Variants in ZZEF1 observed in about 807,000 individuals in gnomAD.
ZZEF1 encodes the protein zinc finger ZZ-type and EF-hand domain-containing protein 1.
A neutral mutation model predicts 342.8 loss-of-function variants in ZZEF1; 157 were observed. The observed-to-expected ratio is 0.46, with a 90% CI of 0.40 to 0.52. The LOEUF (loss-of-function observed/expected upper bound fraction) is 0.52, where lower values mean the gene tolerates loss of function less well. Among genes scored for constraint, ZZEF1 ranks in the 20% least tolerant of loss-of-function variants. The probability of loss-of-function intolerance (pLI) is 0.00; values close to 1 mark genes in which losing one functional copy is unlikely to be tolerated. For synonymous variants in ZZEF1, 1,505 were observed against 1,429.1 expected (o/e 1.05, Z -1.20); for missense variants, 3,480 against 3,725.6 (o/e 0.93, Z 1.72).
At chr17:4,108,239 G>C (rs1335035329) in intron 6 of ZZEF1, among the ~76,000 whole-genome samples, 1 of 152,192 alleles carries the variant, frequency 6.6e-6, no homozygotes, top group African/African-American at 2.4e-5. Flanking sequence ...ACTATCTGAA[G>C]TTGTGTGCAA....
chr17:4,056,299 C>G lies in ZZEF1; in HGVS notation c.5212G>C (p.Glu1738Gln). 6.2e-7 allele frequency: 1 copy of G among 1,602,064 alleles called. No individual in the cohort carries two copies. The highest frequency in any genetic ancestry group is 8.5e-7 in the Non-Finnish European group (1 of 1,174,298). The part of the protein sequence containing the change: ...DELADAKQNS[E>Q]WMDECQDGMF... ...CCATCCTGACACTCATCCATCCATTCTGAATTCTGCTTGGCATCAGCAAGC... is the reference window on the plus strand; with the variant it reads ...CCATCCTGACACTCATCCATCCATTGTGAATTCTGCTTGGCATCAGCAAGC... The change falls in exon 33 of 55, where the codon GAA (glutamate) becomes CAA (glutamine). Residue 1738 changes from glutamate (E) to glutamine (Q), a missense_variant. Glu to Gln is a conservative substitution (Grantham distance 29). Around this residue, in one of 5 missense-constraint regions of ZZEF1, gnomAD observed 175 missense variants for 254.6 expected, o/e 0.69. Coordinates refer to ENST00000381638, the MANE Select transcript of ZZEF1 (RefSeq NM_015113.4).
In ZZEF1 at chr17:4,082,457, A is replaced by G; in HGVS notation, c.2694T>C (p.Arg898=). 6.2e-7 allele frequency: 1 copy of G among 1,614,156 alleles called. No homozygotes were observed. The highest frequency in any genetic ancestry group is 8.5e-7 in the Non-Finnish European group (1 of 1,179,996). ...EHKQSLQLTF[R]SLCTYFSDKD... ...CTTACCTAAAATACGTGCACAGTGA[A>G]CGGAAAGTGAGCTGCAGGGACTGCT... Residue 898 remains arginine (R), a synonymous_variant, in exon 17 of 55, where the codon CGT becomes CGC. Transcript: ENST00000381638.
intron 39 of ZZEF1, among the ~76,000 whole-genome samples, chr17:4,034,700 G>GATATA (rs1197448339): frequency 6.6e-6 from 1 of 152,138 alleles, no homozygotes; most frequent in East Asian, 1.9e-4. Flanking sequence ...ATTTACACAT[G>GATATA]ATATATGTAA....
intron 42 of ZZEF1, 42 bp from the exon 43 acceptor site, chr17:4,025,160 A>T: frequency 1.3e-6 from 2 of 1,582,588 alleles, no homozygotes; most frequent in Non-Finnish European, 8.7e-7. Context: ...GCACAAAAGT[A>T]CAGTTCATGC....
intron 44 of ZZEF1, among the ~76,000 whole-genome samples, chr17:4,021,550 G>A (rs2056271359): frequency 1.3e-5 from 2 of 152,174 alleles, no homozygotes; most frequent in African/African-American, 4.8e-5. Context: ...CCCACAGATG[G>A]TATCAACTGC....
chr17:4,010,591 G>C (rs2055921230), intron 52 of ZZEF1, among the ~76,000 whole-genome samples: 1 of 151,334 alleles, frequency 6.6e-6, no homozygotes, highest in South Asian at 2.1e-4. Context: ...TGAGCGTGGT[G>C]GTGGGCGCCT....
chr17:4,072,400 G>A (rs1266461186), intron 25 of ZZEF1, among the ~76,000 whole-genome samples: 4 of 152,292 alleles, frequency 2.6e-5, no homozygotes, highest in South Asian at 4.1e-4. Context: ...CCCAAGTCAC[G>A]CATTCAGTAT....
intron 6 of ZZEF1, among the ~76,000 whole-genome samples, chr17:4,108,147 A>G (rs1340156271): frequency 6.6e-6 from 1 of 152,242 alleles, no homozygotes; most frequent in African/African-American, 2.4e-5. Flanking sequence ...GAAGTGAAAA[A>G]TATTTATTTT....
Position 4,022,927 on chromosome 17 carries a change from G to A in ZZEF1, c.7093-99C>T, listed in dbSNP as rs774663094. 10 of 1,475,040 alleles carry A rather than the reference G, an allele frequency of 6.8e-6. No individual in the cohort carries two copies. The East Asian group carries it at 9.3e-5, about 14-fold the overall frequency. The allele number at this position is 1,475,040 out of a possible 1,614,324, so 91.4% of individuals were successfully genotyped here. A position where few individuals can be genotyped will look rare whatever the true frequency, so the allele number is the denominator to read the frequency against. ...TGTTCATTCACTCTTTCATTCATTCGTCCATTCAACACATACTTTTGAATG... is the reference window on the plus strand; with the variant it reads ...TGTTCATTCACTCTTTCATTCATTCATCCATTCAACACATACTTTTGAATG... On this transcript the variant is annotated intron_variant, in intron 43 of 54. Transcript: ENST00000381638.
chr17:4,062,697 G>T (rs1356210464), intron 30 of ZZEF1, 56 bp downstream of exon 30: 13 of 1,489,632 alleles, frequency 8.7e-6, no homozygotes, highest in Non-Finnish European at 1.2e-5. Flanking sequence ...AGATAATCAG[G>T]ATTTATTTAC....
chr17:4,008,558 G>C lies in ZZEF1; in HGVS notation c.8805+325C>G. ...GAAGAGGAGTTCCGCTACCAGAGAA[G>C]CAACTCACATCTAAAAATATGTGAA... On this transcript the variant is annotated intron_variant, in intron 54 of 54. Coordinates refer to ENST00000381638, the MANE Select transcript of ZZEF1 (RefSeq NM_015113.4). The surrounding 1 kb of genome is among the most constrained non-coding windows in gnomAD (Gnocchi z 4.2). 9.2e-7 allele frequency: 1 copy of C among 1,083,076 alleles called. No individual in the cohort carries two copies. The highest frequency in any genetic ancestry group is 1.1e-6 in the Non-Finnish European group (1 of 891,700). 67.1% of individuals were successfully genotyped at this position (1,083,076 alleles called of 1,614,324 possible).
chr17:4,128,345 TAAAAAAAAAAA>T (rs74340131), intron 1 of ZZEF1, among the ~76,000 whole-genome samples: 1 of 81,564 alleles, frequency 1.2e-5, no homozygotes, highest in Non-Finnish European at 2.2e-5. Context: ...CAGACTGTCT[TAAAAAAAAAAA>T]AAAAAAAAAA....
At chr17:4,139,652 T>TA (rs2058810457) in intron 1 of ZZEF1, among the ~76,000 whole-genome samples, 1 of 152,252 alleles carries the variant, frequency 6.6e-6, no homozygotes, top group South Asian at 2.1e-4. Context: ...TGGCTAGTCC[T>TA]AACTTACTAG....
chr17:4,009,725 A>T lies in ZZEF1; in HGVS notation c.8612T>A (p.Leu2871Gln), dbSNP rs1470463363. 6.2e-7 allele frequency: 1 copy of T among 1,614,102 alleles called. No homozygotes were observed. The highest frequency in any genetic ancestry group is 8.5e-7 in the Non-Finnish European group (1 of 1,180,024). Residue 2871 changes from leucine to glutamine, a missense_variant, in exon 53 of 55, where the codon CTG becomes CAG. Transcript: ENST00000381638. ...DLCDLALLKP[L>Q]WQLFTHMEYG... ...CTCCATGTGGGTAAAGAGCTGCCAC[A>T]GGGGCTTCAACAGCGCAAGGTCACA...
At chr17:4,078,117 A>C in intron 18 of ZZEF1, 75 bp from the exon 19 acceptor site, 1 of 1,466,954 alleles carries the variant, frequency 6.8e-7, no homozygotes, top group Non-Finnish European at 9.2e-7. Flanking sequence ...CATCCTCTAA[A>C]GCAGCAGCTG....
At chr17:4,133,689 C>A (rs551071980) in intron 1 of ZZEF1, among the ~76,000 whole-genome samples, 121 of 152,100 alleles carry the variant, frequency 8.0e-4, no homozygotes, top group African/African-American at 2.8e-3. Context: ...TCTATATAAC[C>A]AAGGCTATAA....
intron 32 of ZZEF1, 66 bp downstream of exon 32, chr17:4,057,928 C>T: frequency 6.6e-7 from 1 of 1,513,682 alleles, no homozygotes; most frequent in Non-Finnish European, 9.0e-7. Context: ...TCTTAACGCC[C>T]CCACTATGTT....
chr17:4,078,751 G>T (rs969918920), intron 18 of ZZEF1, among the ~76,000 whole-genome samples: 1 of 152,210 alleles, frequency 6.6e-6, no homozygotes, highest in Non-Finnish European at 1.5e-5. Context: ...CCTCAAGACT[G>T]TGCTTTTTTA....
Position 4,019,733 on chromosome 17 carries a change from G to T in ZZEF1, c.7441C>A (p.Leu2481Ile). 2 of 1,612,502 alleles carry T rather than the reference G, an allele frequency of 1.2e-6. No homozygotes were observed. The highest frequency in any genetic ancestry group is 1.7e-6 in the Non-Finnish European group (2 of 1,179,574). ...ATCTGCAGTTCGTATATGGCCCGGA[G>T]AATGTGCAGAGGGGCATTGAGGGCA... ...HDALNAPLHI[L>I]RAIYELQMKK... is the part of the protein sequence containing the mutation. Residue 2481 changes from leucine to isoleucine, a missense_variant, in exon 46 of 55, where the codon CTC (leucine) becomes ATC (isoleucine). Around this residue, in one of 5 missense-constraint regions of ZZEF1, gnomAD observed 1,269 missense variants for 1,342.4 expected, o/e 0.95. Coordinates refer to ENST00000381638, the MANE Select transcript of ZZEF1 (RefSeq NM_015113.4).
Sources: gnomAD v4.1 joint callset for allele counts (sites outside exome capture counted in the v4.1 genomes callset) on GRCh38, gnomAD v4.1.1 for gene constraint, gnomAD v4.1.1 regional missense constraint, Gnocchi (gnomAD v3.1) non-coding constraint, MANE v1.5 for transcripts, NCBI Gene and HGNC (gene_info 2026-07-23, HGNC 2026-07-21) for gene names.